Variants in UNC79 observed in about 807,000 individuals in gnomAD.
The protein encoded by UNC79 is protein unc-79 homolog.
A neutral mutation model predicts 283.1 loss-of-function variants in UNC79; 37 were observed. The observed-to-expected ratio is 0.13, with a 90% CI of 0.10 to 0.17. The LOEUF (loss-of-function observed/expected upper bound fraction) is 0.17, where lower values mean the gene tolerates loss of function less well. Among genes scored for constraint, UNC79 ranks in the 10% least tolerant of loss-of-function variants. UNC79 has a pLI of 1.00. For missense variants in UNC79, 2,272 were observed against 3,211.1 expected (o/e 0.71, Z 7.07); for synonymous variants, 1,107 against 1,200.2 (o/e 0.92, Z 1.61).
chr14:93,679,417 C>T lies in UNC79; in HGVS notation c.6742-3200C>T, dbSNP rs558933981. Among the ~76,000 whole-genome samples, 144 of 152,066 alleles carry T rather than the reference C, an allele frequency of 9.5e-4. 1 individual carries two copies. Among genetic ancestry groups the T allele is most frequent in the African/African-American group, 3.4e-3 (140 of 41,484 alleles). ...GAGGTTGCAGTGAGCCGAGATCGCG[C>T]GACTGCACTCCAGCCTGGCAACAGA... On this transcript the variant is annotated intron_variant, in intron 41 of 48. Coordinates refer to ENST00000555664, the Ensembl canonical transcript of UNC79.
chr14:93,341,513 C>T (rs1322458445), intron 1 of UNC79, among the ~76,000 whole-genome samples: 9 of 151,130 alleles, frequency 6.0e-5, no homozygotes, highest in African/African-American at 2.2e-4. Flanking sequence ...GCCTGCAATC[C>T]TAGCACTTTC....
At chr14:93,422,943 G>A (rs973305195) in intron 1 of UNC79, among the ~76,000 whole-genome samples, 2 of 151,510 alleles carry the variant, frequency 1.3e-5, no homozygotes, top group African/African-American at 2.4e-5. Context: ...GGCACCTGTA[G>A]TCCCAGCTAC....
chr14:93,467,233 A>C (rs918498671), intron 1 of UNC79, among the ~76,000 whole-genome samples: 7 of 152,182 alleles, frequency 4.6e-5, no homozygotes, highest in Admixed American at 3.3e-4. Context: ...GTGTTGTAGA[A>C]AGACTTTTCA....
intron 2 of UNC79, among the ~76,000 whole-genome samples, chr14:93,468,956 G>A (rs181282438): frequency 5.9e-5 from 9 of 152,246 alleles, no homozygotes; most frequent in African/African-American, 1.9e-4. Context: ...TATGAATCAA[G>A]GCATCCAATT....
intron 1 of UNC79, among the ~76,000 whole-genome samples, chr14:93,442,058 A>AT (rs1160360812): frequency 1.3e-5 from 2 of 151,268 alleles, no homozygotes; most frequent in South Asian, 2.1e-4. Context: ...TTGTCACATC[A>AT]TTTTTTTTGG....
rs1485745802 is a variant in UNC79, at chr14:93,618,358, C to T, written c.4387+4C>T. ...AGATACAGCGAAAAAGAAAAAGGTA[C>T]ATATCTAAATTCTATCCCAAACCTA... On this transcript the variant is annotated splice_donor_region_variant and intron_variant, in intron 29 of 48. Transcript: ENST00000555664. The T allele has an allele frequency of 6.2e-7, 1 of 1,605,454 alleles. No homozygotes were observed. Among genetic ancestry groups the T allele is most frequent in the South Asian group, 1.1e-5 (1 of 89,652 alleles).
At chr14:93,507,499 G>T (rs896821228) in intron 7 of UNC79, among the ~76,000 whole-genome samples, 5 of 151,854 alleles carry the variant, frequency 3.3e-5, no homozygotes, top group African/African-American at 1.2e-4. Context: ...TATAATTATT[G>T]GTTATTCCTA....
chr14:93,617,950 C>G lies in UNC79; in HGVS notation c.4225-242C>G, dbSNP rs574668968. On this transcript the variant is annotated intron_variant, in intron 28 of 48. Transcript: ENST00000555664. This position sits in a 1 kb window ranked among gnomAD's most constrained non-coding sequence, Gnocchi z 4.5. ...TGGGAGGCTGAGGTGGGAGGATCACCTGAGCCCGGTAGGCTGCTATGATCA... is the reference window on the plus strand; with the variant it reads ...TGGGAGGCTGAGGTGGGAGGATCACGTGAGCCCGGTAGGCTGCTATGATCA... 6.6e-6 allele frequency among the ~76,000 whole-genome samples: 1 copy of G among 152,100 alleles called. No homozygotes were observed. Among genetic ancestry groups the G allele is most frequent in the South Asian group, 2.1e-4 (1 of 4,808 alleles).
At chr14:93,624,442 G>C (rs953387246) in intron 30 of UNC79, among the ~76,000 whole-genome samples, 3 of 152,148 alleles carry the variant, frequency 2.0e-5, no homozygotes, top group Admixed American at 6.5e-5. Flanking sequence ...CATTGACCTA[G>C]AAATGATAGA....
At chr14:93,375,694 A>T (rs1456558161) in intron 1 of UNC79, among the ~76,000 whole-genome samples, 1 of 151,944 alleles carries the variant, frequency 6.6e-6, no homozygotes, top group East Asian at 1.9e-4. Context: ...AGCAAGAGAG[A>T]GTGGGGAGGT....
At chr14:93,646,814 A>G (rs928384746) in intron 35 of UNC79, among the ~76,000 whole-genome samples, 168 bp downstream of exon 38, 1 of 152,098 alleles carries the variant, frequency 6.6e-6, no homozygotes, top group Non-Finnish European at 1.5e-5. Flanking sequence ...GTTCAAGACC[A>G]TCCTGGGCAA....
At chr14:93,423,514 A>C (rs1314042980) in intron 1 of UNC79, among the ~76,000 whole-genome samples, 1 of 152,210 alleles carries the variant, frequency 6.6e-6, no homozygotes, top group Non-Finnish European at 1.5e-5. Context: ...ATAAAAACAG[A>C]CACATAGACC....
intron 26 of UNC79, among the ~76,000 whole-genome samples, chr14:93,605,176 G>A (rs774009240): frequency 7.9e-5 from 12 of 151,856 alleles, no homozygotes; most frequent in East Asian, 3.9e-4. Flanking sequence ...TTAACTTTTG[G>A]TCCAGTAAGA....
chr14:93,468,951 A>G (rs1256508267), intron 2 of UNC79, among the ~76,000 whole-genome samples: 3 of 152,170 alleles, frequency 2.0e-5, no homozygotes, highest in Admixed American at 6.5e-5. Flanking sequence ...AAATTTATGA[A>G]TCAAGGCATC....
chr14:93,680,362 C>A (rs1338690189), intron 41 of UNC79, among the ~76,000 whole-genome samples: 1 of 152,320 alleles, frequency 6.6e-6, no homozygotes, highest in Non-Finnish European at 1.5e-5. Flanking sequence ...TGCAAACATA[C>A]TTAAGTGGGG....
chr14:93,423,203 C>G (rs2055645464), intron 1 of UNC79, among the ~76,000 whole-genome samples: 1 of 149,368 alleles, frequency 6.7e-6, no homozygotes, highest in Admixed American at 6.7e-5. Flanking sequence ...AACTATAAAA[C>G]ATTGATGTAA....
chr14:93,605,605 G>A (rs547297884), intron 26 of UNC79, among the ~76,000 whole-genome samples: 7 of 152,300 alleles, frequency 4.6e-5, no homozygotes, highest in Admixed American at 2.0e-4. Flanking sequence ...CCGAATACCT[G>A]CTTATTAGTC....
rs528080435 is a variant in UNC79 at position 93,346,777 on chromosome 14, CT to C, written c.-351+13256del. Among the ~76,000 whole-genome samples the C allele has an allele frequency of 9.2e-5, 14 of 152,200 alleles. No homozygotes were observed. In the South Asian group the frequency reaches 2.9e-3, roughly 32 times the overall value. The stretch of plus-strand genomic sequence containing the variant: ...GGAGTAGGGGTGCCAAGTCCCTCAC[CT>C]TACCCTGCAGAAAAGAGATACTTAG... On this transcript the variant is annotated intron_variant, in intron 1 of 49. Coordinates refer to the UNC79 transcript ENST00000256339.
At chr14:93,674,380 T>C (rs2073153808) in intron 41 of UNC79, among the ~76,000 whole-genome samples, 1 of 151,990 alleles carries the variant, frequency 6.6e-6, no homozygotes, top group African/African-American at 2.4e-5. Flanking sequence ...GATAATGGCA[T>C]GAGGATAGGG....
Sources: gnomAD v4.1 joint callset for allele counts (sites outside exome capture counted in the v4.1 genomes callset) on GRCh38, gnomAD v4.1.1 for gene constraint, Gnocchi (gnomAD v3.1) non-coding constraint, MANE v1.5 for transcripts, NCBI Gene and HGNC (gene_info 2026-07-23, HGNC 2026-07-21) for gene names.